DOCK3: variants seen among roughly 807,000 people sequenced by gnomAD.
DOCK3 encodes dedicator of cytokinesis protein 3.
DOCK3 carries 60 observed loss-of-function variants against 265.6 expected under a neutral mutation model. The ratio of observed to expected loss-of-function variants is 0.23; its 90% confidence interval spans 0.18 to 0.28. The LOEUF (loss-of-function observed/expected upper bound fraction) is 0.28, where lower values mean the gene tolerates loss of function less well. DOCK3 is among the 10% of genes least tolerant of loss of function. The probability of loss-of-function intolerance (pLI) is 1.00; values close to 1 mark genes in which losing one functional copy is unlikely to be tolerated. For missense variants in DOCK3, 1,981 were observed against 2,594.3 expected, an observed-to-expected ratio of 0.76 and a Z score of 5.14; for synonymous variants, 881 against 938.0, an observed-to-expected ratio of 0.94 and a Z score of 1.11.
intron 5 of DOCK3, among the ~76,000 whole-genome samples, chr3:51,053,078 G>GATTAT (rs2081054642): frequency 2.3e-5 from 1 of 43,788 alleles, no homozygotes; most frequent in African/African-American, 8.4e-5. Flanking sequence ...AAAAGTCAAA[G>GATTAT]ATATATATAT....
At chr3:51,297,138 A>AG (rs1297546584) in intron 27 of DOCK3, among the ~76,000 whole-genome samples, 3 of 151,332 alleles carry the variant, frequency 2.0e-5, no homozygotes, top group African/African-American at 7.3e-5. Context: ...AAAAAAAAAA[A>AG]AATCTACATG....
intron 2 of DOCK3, among the ~76,000 whole-genome samples, chr3:50,808,172 A>G (rs2043541067): frequency 6.6e-6 from 1 of 152,262 alleles, no homozygotes; most frequent in Admixed American, 6.5e-5. Flanking sequence ...AAAATACAAG[A>G]CATTCATGTT....
intron 9 of DOCK3, among the ~76,000 whole-genome samples, chr3:51,092,115 G>GT (rs1170268048): frequency 1.3e-5 from 2 of 152,054 alleles, no homozygotes; most frequent in Non-Finnish European, 2.9e-5. Context: ...GCAGGAGTTT[G>GT]TTTTTCTCCA....
At position 51,344,753 on chromosome 3, in the gene DOCK3, C is replaced by T. The variant is rs188417943; in HGVS notation, c.3915+3368C>T. 1.0e-3 allele frequency among the ~76,000 whole-genome samples: 156 copies of T among 152,306 alleles called. 1 individual carries two copies. Among genetic ancestry groups the T allele is most frequent in the Non-Finnish European group, 1.4e-3 (93 of 68,028 alleles). ...AAGGCAAAAGATGTGGATGGGGATG[C>T]ATTGCGCCTGTAGTATATTTACTAA... On this transcript the variant is annotated intron_variant, in intron 38 of 52. Coordinates refer to ENST00000266037, the MANE Select transcript of DOCK3 (RefSeq NM_004947.5).
At chr3:51,303,448 C>T (rs1316932691) in intron 27 of DOCK3, among the ~76,000 whole-genome samples, 4 of 152,146 alleles carry the variant, frequency 2.6e-5, no homozygotes, top group Admixed American at 1.3e-4. Context: ...AGTTCTTTGC[C>T]CTTGCTGGAG....
At chr3:51,144,070 A>G (rs2085187029) in intron 9 of DOCK3, among the ~76,000 whole-genome samples, 1 of 152,120 alleles carries the variant, frequency 6.6e-6, no homozygotes, top group Non-Finnish European at 1.5e-5. Context: ...TTTTTTTCAT[A>G]TGGATTGTTC....
chr3:51,307,198 CA>C (rs2082732685), intron 27 of DOCK3, among the ~76,000 whole-genome samples: 1 of 152,178 alleles, frequency 6.6e-6, no homozygotes, highest in Admixed American at 6.5e-5. Flanking sequence ...GAGCTCACTA[CA>C]ACCTTGCCTG....
intron 51 of DOCK3, 23 bp downstream of exon 51, chr3:51,375,858 C>A (rs2088078126): frequency 6.2e-7 from 1 of 1,612,622 alleles, no homozygotes; most frequent in African/African-American, 1.3e-5. Context: ...AGGTGGCCTT[C>A]CCCCCATGTC....
At chr3:51,120,399 T>A (rs1487075207) in intron 9 of DOCK3, among the ~76,000 whole-genome samples, 1 of 152,164 alleles carries the variant, frequency 6.6e-6, no homozygotes, top group Admixed American at 6.5e-5. Flanking sequence ...GAGGTGTCTG[T>A]CGACCCCTAC....
chr3:50,820,082 G>A (rs1055932080), intron 2 of DOCK3, among the ~76,000 whole-genome samples: 2 of 152,180 alleles, frequency 1.3e-5, no homozygotes, highest in African/African-American at 4.8e-5. Flanking sequence ...AAAAACTCAT[G>A]AATAATCCAC....
At chr3:50,868,977 CTTT>C (rs71633040) in intron 3 of DOCK3, among the ~76,000 whole-genome samples, 2 of 73,556 alleles carry the variant, frequency 2.7e-5, no homozygotes, top group Non-Finnish European at 5.2e-5. Flanking sequence ...AAAACCAACT[CTTT>C]TTTTTTTTTT....
At chr3:51,202,717 AAAGAGAATTTTAG>A (rs1023740098) in intron 12 of DOCK3, among the ~76,000 whole-genome samples, 16 of 152,080 alleles carry the variant, frequency 1.1e-4, no homozygotes, top group African/African-American at 3.6e-4. Context: ...CACAACCAAA[AAAGAGAATTTTAG>A]ACCAATATCC....
chr3:50,753,855 A>C (rs1298759352), intron 1 of DOCK3, among the ~76,000 whole-genome samples: 1 of 152,102 alleles, frequency 6.6e-6, no homozygotes, highest in African/African-American at 2.4e-5. Context: ...ATTTCCTTTG[A>C]AGTTGCATTT....
intron 14 of DOCK3, among the ~76,000 whole-genome samples, chr3:51,221,524 T>C (rs2090097999): frequency 6.6e-6 from 1 of 152,240 alleles, no homozygotes; most frequent in Admixed American, 6.5e-5. Context: ...TTTAGTCTTT[T>C]ACAGAAAAGG....
chr3:50,814,654 A>T (rs1182643630), intron 2 of DOCK3, among the ~76,000 whole-genome samples: 1 of 152,136 alleles, frequency 6.6e-6, no homozygotes, highest in African/African-American at 2.4e-5. Flanking sequence ...GTCCAGGATG[A>T]TAGATTTTTG....
intron 2 of DOCK3, among the ~76,000 whole-genome samples, chr3:50,830,476 C>A (rs1212581168): frequency 6.6e-6 from 1 of 152,206 alleles, no homozygotes; most frequent in Admixed American, 6.5e-5. Context: ...ATATATGTTA[C>A]ACCTTTGGAA....
chr3:51,054,658 T>C (rs1452684387), intron 5 of DOCK3, among the ~76,000 whole-genome samples: 1 of 152,210 alleles, frequency 6.6e-6, no homozygotes. Context: ...CATTTATCTA[T>C]TGGATTGCAT....
intron 5 of DOCK3, among the ~76,000 whole-genome samples, chr3:50,965,316 G>C (rs1287306570): frequency 6.6e-6 from 1 of 152,062 alleles, no homozygotes; most frequent in Admixed American, 6.6e-5. Context: ...AGAATTTATA[G>C]TTTAAATGTC....
rs1191029571 is a variant in DOCK3 at position 50,742,509 on chromosome 3, A to G, written c.38-36166A>G. Among the ~76,000 whole-genome samples the G allele has an allele frequency of 6.2e-3, 944 of 151,166 alleles. 8 individuals are homozygous for G. Among genetic ancestry groups the G allele is most frequent in the African/African-American group, 0.021 (889 of 41,516 alleles). ...TACAGAGAAGTGCTTAAAGGAGCTG[A>G]TGGAGCTGAAAGCCAAGGCTCGAGA... On this transcript the variant is annotated intron_variant, in intron 1 of 52. Coordinates refer to ENST00000266037, the MANE Select transcript of DOCK3 (RefSeq NM_004947.5).
Sources: allele counts gnomAD v4.1 joint callset (sites outside exome capture counted in the v4.1 genomes callset), GRCh38; gene constraint gnomAD v4.1.1; transcripts MANE v1.5; gene names NCBI Gene and HGNC (gene_info 2026-07-23, HGNC 2026-07-21).